RBMS3: variants seen among roughly 807,000 people sequenced by gnomAD.
RBMS3 encodes RNA binding motif single stranded interacting protein 3.
A neutral mutation model predicts 66.8 loss-of-function variants in RBMS3; 27 were observed. The ratio of observed to expected loss-of-function variants is 0.40; its 90% CI spans 0.30 to 0.56. RBMS3 has a LOEUF of 0.56. Ranked by LOEUF, RBMS3 falls within the 20% of genes least tolerant of loss-of-function variation. RBMS3 has a pLI of 0.40. For synonymous variants in RBMS3, 188 were observed against 183.0 expected (o/e 1.03, Z -0.22); for missense variants, 513 against 549.5 (o/e 0.93, Z 0.66).
At chr3:29,425,914 G>A (rs751780462) in intron 1 of RBMS3, among the ~76,000 whole-genome samples, 1 of 152,150 alleles carries the variant, frequency 6.6e-6, no homozygotes, top group Non-Finnish European at 1.5e-5. Context: ...GTTGATCTCT[G>A]AGGTATTCCT....
intron 1 of RBMS3, among the ~76,000 whole-genome samples, chr3:29,423,601 G>A (rs899770330): frequency 6.6e-6 from 1 of 152,122 alleles, no homozygotes; most frequent in African/African-American, 2.4e-5. Flanking sequence ...ATATGTTGTA[G>A]CTATAAGAAT....
intron 5 of RBMS3, among the ~76,000 whole-genome samples, chr3:29,744,898 C>G (rs1416807228): frequency 6.6e-6 from 1 of 151,938 alleles, no homozygotes; most frequent in Non-Finnish European, 1.5e-5. Context: ...TTCAGAAAAC[C>G]TGAATAATTT....
intron 11 of RBMS3, among the ~76,000 whole-genome samples, chr3:29,941,070 G>A (rs1010484537): frequency 1.3e-5 from 2 of 151,824 alleles, no homozygotes; most frequent in African/African-American, 4.8e-5. Context: ...ACCAGAATCT[G>A]TTGGAAGAAA....
chr3:29,476,041 C>T (rs865810036), intron 2 of RBMS3, among the ~76,000 whole-genome samples: 1 of 152,110 alleles, frequency 6.6e-6, no homozygotes, highest in African/African-American at 2.4e-5. Flanking sequence ...AAAACATCCC[C>T]CACTGACTCC....
At position 29,991,077 on chromosome 3, in the gene RBMS3, C is replaced by G; in HGVS notation, c.1180-5C>G. 1.2e-6 allele frequency: 2 copies of G among 1,613,974 alleles called. No homozygotes were observed. Among genetic ancestry groups the G allele is most frequent in the Non-Finnish European group, 1.7e-6 (2 of 1,179,930 alleles). On this transcript the variant is annotated splice_region_variant and splice_polypyrimidine_tract_variant and intron_variant, in intron 13 of 14. Coordinates refer to ENST00000383767, the MANE Select transcript of RBMS3 (RefSeq NM_001003793.3). Reference sequence around the variant, plus strand: ...AGGCTTTTATGTTCTTATTTGCCTCCTTAGGGTGTTGTTGCTGATACCTCT... The same window carrying G: ...AGGCTTTTATGTTCTTATTTGCCTCGTTAGGGTGTTGTTGCTGATACCTCT...
chr3:29,392,016 G>T (rs566046385), intron 1 of RBMS3, among the ~76,000 whole-genome samples: 1 of 152,118 alleles, frequency 6.6e-6, no homozygotes, highest in African/African-American at 2.4e-5. Flanking sequence ...TTGGGAGGTC[G>T]AGGAGGGTGG....
At position 29,444,788 on chromosome 3, in the gene RBMS3, C is replaced by CTTTTTTTTTT. The variant is rs558839351; in HGVS notation, c.248+9888_248+9897dup. On this transcript the variant is annotated intron_variant, in intron 2 of 14. Transcript: ENST00000383767. ...AATTCTTTCAAGCGGAAATATATGC[C>CTTTTTTTTTT]TTTTTTTTTTTTTTTTTTTTTTTTG... 2.6e-3 allele frequency among the ~76,000 whole-genome samples: 130 copies of CTTTTTTTTTT among 50,494 alleles called. 17 individuals carry two copies. The highest frequency in any genetic ancestry group is 6.1e-3 in the African/African-American group (100 of 16,412). 33.1% of individuals were successfully genotyped at this position (50,494 alleles called of 152,430 possible).
At chr3:29,885,152 C>A (rs564888668) in intron 8 of RBMS3, among the ~76,000 whole-genome samples, 1 of 151,788 alleles carries the variant, frequency 6.6e-6, no homozygotes, top group Non-Finnish European at 1.5e-5. Context: ...AGGCACAATG[C>A]TATGTTCTAT....
At position 29,762,900 on chromosome 3, in the gene RBMS3, T is replaced by A. The variant is rs1171723267; in HGVS notation, c.558-10T>A. 6.3e-7 allele frequency: 1 copy of A among 1,590,782 alleles called. No individual in the cohort carries two copies. On this transcript the variant is annotated splice_polypyrimidine_tract_variant and intron_variant, in intron 5 of 14. Coordinates refer to ENST00000383767, the MANE Select transcript of RBMS3 (RefSeq NM_001003793.3). ...CCATATATGACCTCTGGTTTACCTT[T>A]TTTTCCCAGAATGGAGTCTACTGAA...
intron 3 of RBMS3, among the ~76,000 whole-genome samples, chr3:29,491,112 A>C (rs1180103936): frequency 6.6e-6 from 1 of 152,198 alleles, no homozygotes; most frequent in Non-Finnish European, 1.5e-5. Flanking sequence ...ATAACTGTGA[A>C]GGTTTGAAGA....
chr3:29,970,688 T>C (rs184100432), intron 12 of RBMS3, among the ~76,000 whole-genome samples: 2 of 152,316 alleles, frequency 1.3e-5, no homozygotes. Flanking sequence ...ATGCAACATG[T>C]ATTTGAGTTT....
intron 1 of RBMS3, among the ~76,000 whole-genome samples, chr3:29,296,350 A>G (rs2033261472): frequency 6.6e-6 from 1 of 151,758 alleles, no homozygotes; most frequent in South Asian, 2.1e-4. Flanking sequence ...CAGAATTTTT[A>G]TTTTTACATT....
intron 10 of RBMS3, among the ~76,000 whole-genome samples, chr3:29,918,313 A>C (rs555705366): frequency 6.6e-5 from 10 of 152,278 alleles, no homozygotes; most frequent in Non-Finnish European, 1.3e-4. Flanking sequence ...TTAGCATATG[A>C]AGTAAGATAT....
chr3:29,747,389 G>GATA (rs1351472364), intron 5 of RBMS3, among the ~76,000 whole-genome samples: 6 of 122,876 alleles, frequency 4.9e-5, no homozygotes, highest in Non-Finnish European at 6.7e-5. Flanking sequence ...TAGGTAGGTA[G>GATA]GTAGATAGAT....
At chr3:29,601,858 A>G (rs2048156569) in intron 4 of RBMS3, among the ~76,000 whole-genome samples, 1 of 152,026 alleles carries the variant, frequency 6.6e-6, no homozygotes, top group African/African-American at 2.4e-5. Context: ...AGAAGAGGAG[A>G]CAGTGGTGAC....
chr3:29,299,592 T>C (rs2033531566), intron 1 of RBMS3, among the ~76,000 whole-genome samples: 1 of 151,824 alleles, frequency 6.6e-6, no homozygotes, highest in African/African-American at 2.4e-5. Context: ...GAAAAAAAAT[T>C]AAAAATAACA....
In RBMS3 at chr3:29,726,219, A is replaced by T. The variant is rs574972715; in HGVS notation, c.400-13501A>T. The stretch of plus-strand genomic sequence containing the variant: ...TGTTAGACCATATCTCAAAATAATA[A>T]GAGCTATTTATGACAAACCCGTAGC... On this transcript the variant is annotated intron_variant, in intron 4 of 14. Transcript: ENST00000383767. 2.0e-3 allele frequency among the ~76,000 whole-genome samples: 307 copies of T among 152,316 alleles called. 2 individuals carry two copies. The highest frequency in any genetic ancestry group is 7.2e-3 in the African/African-American group (298 of 41,570).
intron 7 of RBMS3, chr3:29,880,774 C>T: frequency 2.6e-6 from 4 of 1,535,746 alleles, no homozygotes; most frequent in Non-Finnish European, 3.5e-6. Flanking sequence ...CTCCTCTTGC[C>T]AAAGGTACTC....
rs80326667 is a variant in RBMS3 at position 29,645,482 on chromosome 3, G to T, written c.399+58277G>T. ...ATTATTGCCATTTATGAATTATCAG[G>T]CTGCCTTGATCTAGTTAACTTCTGT... On this transcript the variant is annotated intron_variant, in intron 4 of 14. Coordinates refer to ENST00000383767, the MANE Select transcript of RBMS3 (RefSeq NM_001003793.3). 1.1e-3 allele frequency among the ~76,000 whole-genome samples: 163 copies of T among 152,238 alleles called. 1 individual carries two copies. In the South Asian group the frequency reaches 0.011, roughly 11 times the overall value.
Sources: gnomAD v4.1 joint callset for allele counts (sites outside exome capture counted in the v4.1 genomes callset) on GRCh38, gnomAD v4.1.1 for gene constraint, MANE v1.5 for transcripts, NCBI Gene and HGNC (gene_info 2026-07-23, HGNC 2026-07-21) for gene names.